The following CPLX1 variants were observed in gnomAD, a reference collection of about 807,000 sequenced individuals.
The protein encoded by CPLX1 is complexin-1.
CPLX1 carries 6 observed loss-of-function variants against 15.6 expected under a neutral mutation model. That is an observed-to-expected ratio of 0.39 (90% confidence interval 0.21 to 0.76). CPLX1 has a LOEUF of 0.76. Among genes scored for constraint, CPLX1 ranks in the 30% least tolerant of loss-of-function variants. CPLX1 has a pLI of 0.43. For synonymous variants in CPLX1, 91 were observed against 75.2 expected (o/e 1.21, Z -1.08); for missense variants, 242 against 188.6 (o/e 1.28, Z -1.66).
At chr4:791,145 A>G (rs1399013261) in intron 3 of CPLX1, among the ~76,000 whole-genome samples, 2 of 137,616 alleles carry the variant, frequency 1.5e-5, no homozygotes, top group African/African-American at 5.5e-5. Context: ...TTTTCTCCTG[A>G]CTTCCTCCTG....
chr4:785,092 G>T lies in CPLX1; in HGVS notation c.*1409C>A, dbSNP rs1745938248. On this transcript the variant is annotated 3_prime_UTR_variant, in exon 4 of 4. Coordinates refer to ENST00000304062, the MANE Select transcript of CPLX1 (RefSeq NM_006651.4). ...GGTCTAAGCTAAGCTCGCGGCCCGGGGCGCCATGCGCTGGGAACGGGGTGC... is the reference window on the plus strand; with the variant it reads ...GGTCTAAGCTAAGCTCGCGGCCCGGTGCGCCATGCGCTGGGAACGGGGTGC... The T allele has an allele frequency of 6.6e-6, 1 of 152,344 alleles. No homozygotes were observed. The highest frequency in any genetic ancestry group is 1.5e-5 in the Non-Finnish European group (1 of 68,110). 9.4% of individuals were successfully genotyped at this position (152,344 alleles called of 1,614,324 possible). A position where few individuals can be genotyped will look rare whatever the true frequency, so the allele number is the denominator to read the frequency against.
intron 2 of CPLX1, among the ~76,000 whole-genome samples, chr4:814,209 A>G (rs768410620): frequency 2.7e-5 from 4 of 148,382 alleles, no homozygotes; most frequent in Non-Finnish European, 4.5e-5. Context: ...AGCTGTCCCC[A>G]CTCTGCCTGA....
chr4:825,597 G>A (rs544514363), intron 1 of CPLX1, among the ~76,000 whole-genome samples: 9 of 152,088 alleles, frequency 5.9e-5, no homozygotes, highest in South Asian at 2.1e-4. Flanking sequence ...GAGCGCGCCA[G>A]GAGAGGAAAG....
intron 3 of CPLX1, chr4:788,205 T>C (rs1382092770): frequency 7.1e-6 from 7 of 985,166 alleles, no homozygotes; most frequent in Non-Finnish European, 8.4e-6. Context: ...CTCCTGGTGC[T>C]GGGCACCCCC....
rs191893022 is a variant in CPLX1, at chr4:792,702, C to A, written c.32-94G>T. 364 of 1,379,356 alleles carry A rather than the reference C, an allele frequency of 2.6e-4. 6 individuals are homozygous for A. Among genetic ancestry groups the A allele is most frequent in the Non-Finnish European group, 2.6e-5 (26 of 1,013,650 alleles). The allele number at this position is 1,379,356 out of a possible 1,614,324, so 85.4% of individuals were successfully genotyped here. A position where few individuals can be genotyped will look rare whatever the true frequency, so the allele number is the denominator to read the frequency against. On this transcript the variant is annotated intron_variant, in intron 2 of 3. Transcript: ENST00000304062. ...CACTCCCCCACCTTCTGGCCGACCC[C>A]CCAAACCCTCCATCCACTCGACCCT...
chr4:821,746 C>T (rs894126055), intron 2 of CPLX1, among the ~76,000 whole-genome samples: 3 of 152,336 alleles, frequency 2.0e-5, no homozygotes, highest in South Asian at 2.1e-4. Flanking sequence ...CGCTCCCCCA[C>T]GAGCGATCAC....
At position 790,915 on chromosome 4, in the gene CPLX1, C is replaced by T. The variant is rs1746149487; in HGVS notation, c.207+1518G>A. On this transcript the variant is annotated intron_variant, in intron 3 of 3. Transcript: ENST00000304062. Reference sequence around the variant, plus strand: ...GTCTCTCCTCTCTTTGTCTCTCTCCCCTCTCTCTTTCCCTCTTTTTGTCTT... The same window carrying T: ...GTCTCTCCTCTCTTTGTCTCTCTCCTCTCTCTCTTTCCCTCTTTTTGTCTT... Among the ~76,000 whole-genome samples, 3 of 148,220 alleles carry T rather than the reference C, an allele frequency of 2.0e-5. No homozygotes were observed. In the South Asian group the frequency reaches 6.6e-4, roughly 33 times the overall value.
chr4:802,296 T>C lies in CPLX1; in HGVS notation c.32-9688A>G, dbSNP rs189831297. Among the ~76,000 whole-genome samples the C allele has an allele frequency of 1.5e-4, 23 of 152,336 alleles. No homozygotes were observed. The East Asian group carries it at 3.7e-3, about 24-fold the overall frequency. On this transcript the variant is annotated intron_variant, in intron 2 of 3. Coordinates refer to ENST00000304062, the MANE Select transcript of CPLX1 (RefSeq NM_006651.4). Reference sequence around the variant, plus strand: ...TTTATGCTGAGTGTAAAAGGCCAGATACAAATTATTTAATTTCATGTATGT... The same window carrying C: ...TTTATGCTGAGTGTAAAAGGCCAGACACAAATTATTTAATTTCATGTATGT...
intron 2 of CPLX1, among the ~76,000 whole-genome samples, chr4:793,056 A>G (rs1163598693): frequency 6.6e-6 from 1 of 152,112 alleles, no homozygotes; most frequent in Middle Eastern, 3.2e-3. Context: ...GGTTGACTGC[A>G]TGCGGTTGTG....
At chr4:786,752 G>C in intron 3 of CPLX1, 54 bp from the exon 4 acceptor site, 1 of 1,533,274 alleles carries the variant, frequency 6.5e-7, no homozygotes, top group Non-Finnish European at 8.8e-7. Flanking sequence ...CGGGCGGGCC[G>C]CAGCCTCCCT....
At chr4:797,317 G>C (rs1233960424) in intron 2 of CPLX1, among the ~76,000 whole-genome samples, 1 of 152,138 alleles carries the variant, frequency 6.6e-6, no homozygotes, top group Non-Finnish European at 1.5e-5. Context: ...CTGGCACCTA[G>C]AGCAGAGCCT....
At chr4:803,079 A>G (rs1004312310) in intron 2 of CPLX1, among the ~76,000 whole-genome samples, 18 of 152,246 alleles carry the variant, frequency 1.2e-4, no homozygotes, top group Non-Finnish European at 2.1e-4. Context: ...AGCAGAAAGT[A>G]TAGGAACTTC....
At chr4:792,763 A>C (rs1577471096) in intron 2 of CPLX1, 155 bp from the exon 3 acceptor site, 15 of 702,742 alleles carry the variant, frequency 2.1e-5, no homozygotes, top group African/African-American at 4.2e-5. Flanking sequence ...CGCTCCTCCC[A>C]CCTCCATCTG....
At chr4:787,298 G>T in intron 3 of CPLX1, 1 of 985,344 alleles carries the variant, frequency 1.0e-6, no homozygotes, top group Non-Finnish European at 1.2e-6. Flanking sequence ...GCCTAGTCGT[G>T]CCCTCAGCCA....
At position 786,578 on chromosome 4, in the gene CPLX1, C is replaced by T; in HGVS notation, c.328G>A (p.Glu110Lys). 1 of 1,610,648 alleles carries T rather than the reference C, an allele frequency of 6.2e-7. No individual in the cohort carries two copies. The highest frequency in any genetic ancestry group is 1.1e-5 in the South Asian group (1 of 90,432). The change falls in exon 4 of 4, where the codon GAG becomes AAG. Residue 110 changes from glutamate to lysine, a missense_variant. Physicochemically the swap from Glu to Lys is moderately conservative, Grantham distance 56 (BLOSUM62 1). Transcript: ENST00000304062. ...TCCAGGATGCTCTCGTCCTCCTCCT[C>T]CACCTCGTCCCCGCAGCCCGGCGGG... ...AIPPGCGDEV[E>K]EEDESILDTV...
intron 2 of CPLX1, among the ~76,000 whole-genome samples, chr4:808,123 G>T (rs527851606): frequency 2.0e-5 from 3 of 152,162 alleles, no homozygotes; most frequent in South Asian, 2.1e-4. Flanking sequence ...TGAAAAATTC[G>T]CCAGGCATAG....
intron 2 of CPLX1, among the ~76,000 whole-genome samples, chr4:822,676 C>T (rs1212868234): frequency 6.6e-6 from 1 of 152,182 alleles, no homozygotes; most frequent in Non-Finnish European, 1.5e-5. Context: ...CTCTTGGGGT[C>T]TCTGCCAAGC....
chr4:790,816 C>A (rs1746146214), intron 3 of CPLX1, among the ~76,000 whole-genome samples: 1 of 152,170 alleles, frequency 6.6e-6, no homozygotes, highest in Admixed American at 6.5e-5. Flanking sequence ...CTCTCTCTAG[C>A]TCTGCCTGGG....
chr4:795,703 C>A (rs958477499), intron 2 of CPLX1, among the ~76,000 whole-genome samples: 2 of 152,052 alleles, frequency 1.3e-5, no homozygotes, highest in South Asian at 4.1e-4. Flanking sequence ...CAACGCCCCC[C>A]ACAGCGGCAC....
Sources: gnomAD v4.1 joint callset for allele counts (sites outside exome capture counted in the v4.1 genomes callset) on GRCh38, gnomAD v4.1.1 for gene constraint, MANE v1.5 for transcripts, NCBI Gene and HGNC (gene_info 2026-07-23, HGNC 2026-07-21) for gene names.